LRRC19: variants seen among roughly 807,000 people sequenced by gnomAD.
The protein encoded by LRRC19 is leucine rich repeat containing 19, also known as leucine-rich repeat-containing protein 19.
A neutral mutation model predicts 33.3 loss-of-function variants in LRRC19; 33 were observed. That is an observed-to-expected ratio of 0.99 (90% CI 0.75 to 1.33). The LOEUF (loss-of-function observed/expected upper bound fraction) is 1.33, where lower values mean the gene tolerates loss of function less well. LRRC19 is among the 40% of genes most tolerant of loss of function. The probability of loss-of-function intolerance (pLI) is 0.00; values close to 1 mark genes in which losing one functional copy is unlikely to be tolerated. For missense variants in LRRC19, 463 were observed against 417.3 expected, an observed-to-expected ratio of 1.11 and a Z score of -0.95; for synonymous variants, 184 against 152.3, an observed-to-expected ratio of 1.21 and a Z score of -1.53.
At chr9:27,003,243 C>T (rs574035656) in intron 1 of LRRC19, among the ~76,000 whole-genome samples, 15 of 151,948 alleles carry the variant, frequency 9.9e-5, no homozygotes, top group Non-Finnish European at 2.2e-4. Context: ...ATCATGTCTG[C>T]CAGGTGCAGT....
rs142972666 is a variant in LRRC19, at chr9:26,998,050, G to A, written c.273C>T (p.Asn91=). The A allele has an allele frequency of 4.1e-5, 66 of 1,613,234 alleles. No individual in the cohort carries two copies. The African/African-American group carries it at 4.5e-4, about 11-fold the overall frequency. ...CTAGACTGGAGAGGTTACCAAAACC[G>A]TTATTATGTAAGATAGTAACCTTGT... The part of the protein sequence containing the change: ...IENKVTILHN[N]GFGNLSSLEI... The change falls in exon 3 of 5, where the codon AAC becomes AAT. Residue 91 remains asparagine (N), a synonymous_variant. Transcript: ENST00000380055.
At chr9:26,999,553 C>G in intron 2 of LRRC19, 61 bp downstream of exon 2, 1 of 1,255,210 alleles carries the variant, frequency 8.0e-7, no homozygotes, top group Non-Finnish European at 1.1e-6. Flanking sequence ...TTATATTTTA[C>G]TAAATATACA....
intron 1 of LRRC19, among the ~76,000 whole-genome samples, chr9:27,001,039 C>T (rs913578321): frequency 2.0e-5 from 3 of 152,048 alleles, no homozygotes; most frequent in Admixed American, 6.5e-5. Context: ...TCCCACATGC[C>T]GGTGAGAATG....
chr9:26,996,204 G>A (rs921669981), intron 4 of LRRC19, 107 bp downstream of exon 4: 18 of 718,662 alleles, frequency 2.5e-5, no homozygotes, highest in Non-Finnish European at 3.7e-5. Context: ...TTGAGATGAG[G>A]AATCTTTCTT....
intron 1 of LRRC19, among the ~76,000 whole-genome samples, chr9:27,005,352 T>TCCCCCGC (rs1491163144): frequency 5.3e-5 from 1 of 18,948 alleles, no homozygotes. Context: ...TGAAACCATT[T>TCCCCCGC]CCCCCCCCGC....
chr9:26,995,546 A>G lies in LRRC19; in HGVS notation c.1088T>C (p.Ile363Thr), dbSNP rs1356715231. The G allele has an allele frequency of 6.4e-7, 1 of 1,568,650 alleles. No individual in the cohort carries two copies. Among genetic ancestry groups the G allele is most frequent in the East Asian group, 2.3e-5 (1 of 44,382 alleles). The stretch of plus-strand genomic sequence containing the variant: ...TTAATTTTCTTCACATAATTCATGG[A>G]TATCTATATATTTGTCTTCAATAAA... ...DGFIEDKYID[I>T]HELCEEN The change falls in exon 5 of 5, where the codon ATC becomes ACC. Residue 363 changes from isoleucine (I) to threonine (T), a missense_variant. Transcript: ENST00000380055.
intron 1 of LRRC19, among the ~76,000 whole-genome samples, chr9:27,004,480 G>A (rs1273337316): frequency 2.0e-5 from 3 of 152,148 alleles, no homozygotes; most frequent in African/African-American, 7.2e-5. Context: ...ATTGAAAGAG[G>A]GGGTGATGTC....
Position 26,997,795 on chromosome 9 carries a change from G to T in LRRC19, c.528C>A (p.Asn176Lys). The change falls in exon 3 of 5, where the codon AAC (asparagine) becomes AAA (lysine). Residue 176 changes from asparagine (N) to lysine (K), a missense_variant. Physicochemically the swap from Asn to Lys is moderately conservative, Grantham distance 94. Coordinates refer to ENST00000380055, the MANE Select transcript of LRRC19 (RefSeq NM_022901.3). ...ATAGACTGCAAGAGCAGTTCCATAG[G>T]TTTCCATATAAAGTTATTAATTCCA... ...FHLELITLYG[N>K]LWNCSCSLFN... The T allele has an allele frequency of 6.2e-7, 1 of 1,613,978 alleles. No individual in the cohort carries two copies. Among genetic ancestry groups the T allele is most frequent in the Non-Finnish European group, 8.5e-7 (1 of 1,179,988 alleles).
At chr9:26,999,318 T>C (rs1828349071) in intron 2 of LRRC19, among the ~76,000 whole-genome samples, 1 of 152,170 alleles carries the variant, frequency 6.6e-6, no homozygotes, top group African/African-American at 2.4e-5. Context: ...CATAAATATG[T>C]GCTTTTTAAA....
At position 27,000,515 on chromosome 9, in the gene LRRC19, C is replaced by T. The variant is rs532792339; in HGVS notation, c.-9-812G>A. Among the ~76,000 whole-genome samples, 61 of 152,114 alleles carry T rather than the reference C, an allele frequency of 4.0e-4. No individual in the cohort carries two copies. In the East Asian group the frequency reaches 4.4e-3, roughly 11 times the overall value. ...GTAACTTTTAAAAATTTTATTGAGGCGTGGTAGATATACATAGTTTTGGGG... is the reference window on the plus strand; with the variant it reads ...GTAACTTTTAAAAATTTTATTGAGGTGTGGTAGATATACATAGTTTTGGGG... On this transcript the variant is annotated intron_variant, in intron 1 of 4. Transcript: ENST00000380055.
At position 26,998,052 on chromosome 9, in the gene LRRC19, T is replaced by C. The variant is rs376570861; in HGVS notation, c.271A>G (p.Asn91Asp). 81 of 1,613,502 alleles carry C rather than the reference T, an allele frequency of 5.0e-5. No individual in the cohort carries two copies. The highest frequency in any genetic ancestry group is 6.4e-5 in the Non-Finnish European group (76 of 1,179,688). ...AGACTGGAGAGGTTACCAAAACCGT[T>C]ATTATGTAAGATAGTAACCTTGTTC... is the stretch of plus-strand genomic sequence containing the variant. Reference protein sequence around the residue: ...IENKVTILHNNGFGNLSSLEI... With the variant: ...IENKVTILHNDGFGNLSSLEI... The change falls in exon 3 of 5, where the codon AAC becomes GAC. Residue 91 changes from asparagine (N) to aspartate (D), a missense_variant. Transcript: ENST00000380055.
In LRRC19 at chr9:26,997,714, T is replaced by G; in HGVS notation, c.595+14A>C. The G allele has an allele frequency of 1.3e-6, 2 of 1,573,236 alleles. No individual in the cohort carries two copies. The highest frequency in any genetic ancestry group is 1.7e-6 in the Non-Finnish European group (2 of 1,165,090). On this transcript the variant is annotated intron_variant, in intron 3 of 4. Transcript: ENST00000380055. ...TTAATCACATTTTGGTTTTGCTTAATTATGATAGCTTACCTAATGTCACAT... is the reference window on the plus strand; with the variant it reads ...TTAATCACATTTTGGTTTTGCTTAAGTATGATAGCTTACCTAATGTCACAT...
rs1176392461 is a variant in LRRC19 at position 26,995,034 on chromosome 9, T to C, written c.*487A>G. The stretch of plus-strand genomic sequence containing the variant: ...CAGGAAGCATTTCAAAAAAATATTT[T>C]CCAACTCTATGATTTTATTCTGGGA... On this transcript the variant is annotated 3_prime_UTR_variant, in exon 5 of 5. Transcript: ENST00000380055. 1.3e-5 allele frequency: 2 copies of C among 152,288 alleles called. No individual in the cohort carries two copies. The highest frequency in any genetic ancestry group is 4.8e-5 in the African/African-American group (2 of 41,444). The allele number at this position is 152,288 out of a possible 1,614,324, so 9.4% of individuals were successfully genotyped here. A position where few individuals can be genotyped will look rare whatever the true frequency, so the allele number is the denominator to read the frequency against.
At chr9:27,003,239 T>C (rs1828595725) in intron 1 of LRRC19, among the ~76,000 whole-genome samples, 1 of 152,134 alleles carries the variant, frequency 6.6e-6, no homozygotes, top group South Asian at 2.1e-4. Flanking sequence ...TAAGATCATG[T>C]CTGCCAGGTG....
chr9:26,994,190 C>G lies in LRRC19; in HGVS notation c.*1331G>C, dbSNP rs1828022148. ...AGTTTGAGAAATTTTTAATACTTTG[C>G]TCTTGAATAATCAGAGAGCAGTTTA... On this transcript the variant is annotated 3_prime_UTR_variant, in exon 5 of 5. Coordinates refer to ENST00000380055, the MANE Select transcript of LRRC19 (RefSeq NM_022901.3). The G allele has an allele frequency of 6.6e-6, 1 of 152,132 alleles. No individual in the cohort carries two copies. Among genetic ancestry groups the G allele is most frequent in the Admixed American group, 6.6e-5 (1 of 15,252 alleles). 9.4% of individuals were successfully genotyped at this position (152,132 alleles called of 1,614,324 possible).
chr9:26,999,574 C>G (rs766489352), intron 2 of LRRC19, 40 bp downstream of exon 2: 3 of 1,429,926 alleles, frequency 2.1e-6, no homozygotes, highest in Non-Finnish European at 2.9e-6. Context: ...GAAAATGTAC[C>G]TTTGAAAATA....
chr9:26,998,969 G>C (rs1001880141), intron 2 of LRRC19, among the ~76,000 whole-genome samples: 2 of 152,196 alleles, frequency 1.3e-5, no homozygotes, highest in Non-Finnish European at 2.9e-5. Context: ...ACTCCAGCCT[G>C]GGCGACAGAG....
chr9:27,003,368 C>G (rs1828604857), intron 1 of LRRC19, among the ~76,000 whole-genome samples: 1 of 151,902 alleles, frequency 6.6e-6, no homozygotes, highest in Non-Finnish European at 1.5e-5. Context: ...ACTACAATTA[C>G]AAAAATTAGC....
chr9:26,995,756 C>A lies in LRRC19; in HGVS notation c.878G>T (p.Cys293Phe), dbSNP rs200569334. ...TSLLIFIAIK[C>F]PIWYNILLSY... ...AAGCAGAATATTGTACCATATTGGG[C>A]ATTTGATAGCAATAAAAATGAGAAG... The change falls in exon 5 of 5, where the codon TGC becomes TTC. Residue 293 changes from cysteine to phenylalanine, a missense_variant. Transcript: ENST00000380055. 2.1e-4 allele frequency: 341 copies of A among 1,613,618 alleles called. No homozygotes were observed. The highest frequency in any genetic ancestry group is 4.1e-5 in the Non-Finnish European group (48 of 1,179,846).
Sources: allele counts gnomAD v4.1 joint callset (sites outside exome capture counted in the v4.1 genomes callset), GRCh38; gene constraint gnomAD v4.1.1; transcripts MANE v1.5; gene names NCBI Gene and HGNC (gene_info 2026-07-23, HGNC 2026-07-21).